COMMD7: variants seen among roughly 807,000 people sequenced by gnomAD.
COMMD7 encodes COMM domain containing 7.
COMMD7 carries 28 observed loss-of-function variants against 34.8 expected under a neutral mutation model. The ratio of observed to expected loss-of-function variants is 0.80; its 90% CI spans 0.60 to 1.10. COMMD7 has a LOEUF of 1.10. Ranked by LOEUF, COMMD7 falls within the 50% of genes least tolerant of loss-of-function variation. COMMD7 has a pLI of 0.00. For missense variants in COMMD7, 211 were observed against 241.6 expected, an observed-to-expected ratio of 0.87 and a Z score of 0.84; for synonymous variants, 80 against 86.4, an observed-to-expected ratio of 0.93 and a Z score of 0.41.
chr20:32,719,245 G>A (rs558028443), intron 3 of COMMD7, among the ~76,000 whole-genome samples: 2 of 152,208 alleles, frequency 1.3e-5, no homozygotes, highest in Non-Finnish European at 2.9e-5. Context: ...ATGGGAGAAT[G>A]GAGGTGGAGA....
intron 3 of COMMD7, among the ~76,000 whole-genome samples, chr20:32,726,494 G>A (rs1985522665): frequency 1.3e-5 from 2 of 152,118 alleles, no homozygotes; most frequent in South Asian, 4.1e-4. Flanking sequence ...CTAAGGTCAG[G>A]AGTTTGAGAC....
intron 1 of COMMD7, among the ~76,000 whole-genome samples, chr20:32,741,396 T>TTC (rs1491229701): frequency 6.8e-5 from 1 of 14,608 alleles, no homozygotes; most frequent in African/African-American, 2.5e-4. Flanking sequence ...TAGAAAGTTG[T>TTC]TTTTTTTTTT....
At chr20:32,708,792 C>T (rs983004305) in intron 3 of COMMD7, among the ~76,000 whole-genome samples, 8 of 151,960 alleles carry the variant, frequency 5.3e-5, no homozygotes, top group Non-Finnish European at 1.2e-4. Context: ...CCACCTCAGC[C>T]TCCCACATAG....
chr20:32,737,303 G>A (rs1986184085), intron 1 of COMMD7, among the ~76,000 whole-genome samples: 1 of 148,826 alleles, frequency 6.7e-6, no homozygotes, highest in African/African-American at 2.5e-5. Context: ...CTGGGAGACA[G>A]AGGTTGCAGT....
intron 3 of COMMD7, among the ~76,000 whole-genome samples, chr20:32,724,382 C>A (rs1322367127): frequency 1.3e-4 from 2 of 15,820 alleles, no homozygotes; most frequent in Non-Finnish European, 3.6e-4. Flanking sequence ...TCTGCCCGGC[C>A]GCCCCTACTG....
intron 1 of COMMD7, among the ~76,000 whole-genome samples, chr20:32,729,561 G>A (rs1260534875): frequency 6.6e-6 from 1 of 150,808 alleles, no homozygotes; most frequent in African/African-American, 2.4e-5. Flanking sequence ...TGGGAGGATT[G>A]CTTGAGGCTG....
intron 3 of COMMD7, among the ~76,000 whole-genome samples, chr20:32,722,714 A>G (rs1292283856): frequency 1.0e-4 from 15 of 146,238 alleles, no homozygotes; most frequent in African/African-American, 3.6e-4. Flanking sequence ...ACAGAGTGAG[A>G]CTCAGGAAAA....
chr20:32,721,266 T>C (rs1221649709), intron 3 of COMMD7, among the ~76,000 whole-genome samples: 1 of 151,696 alleles, frequency 6.6e-6, no homozygotes, highest in African/African-American at 2.4e-5. Flanking sequence ...GGGCCCAGGA[T>C]CGCTGGAGAC....
intron 1 of COMMD7, among the ~76,000 whole-genome samples, chr20:32,736,480 C>T (rs140762665): frequency 0.019 from 2,947 of 151,476 alleles, 84 homozygotes; most frequent in African/African-American, 0.066. Flanking sequence ...ACCATCCTGG[C>T]TAACACGGTG....
intron 3 of COMMD7, among the ~76,000 whole-genome samples, chr20:32,714,922 A>T (rs1346112962): frequency 6.6e-6 from 1 of 151,854 alleles, no homozygotes; most frequent in Non-Finnish European, 1.5e-5. Context: ...AGGCAGGAGA[A>T]TCGCTTGAAC....
rs1986492499 is a variant in COMMD7 at position 32,742,396 on chromosome 20, G to T, written c.84+912C>A. The T allele has an allele frequency of 2.0e-5, 3 of 151,952 alleles. No individual in the cohort carries two copies. In the South Asian group the frequency reaches 6.2e-4, roughly 32 times the overall value. 9.4% of individuals were successfully genotyped at this position (151,952 alleles called of 1,614,324 possible). ...GGGGTATGGAGATGAAAGAAGAGGG[G>T]CGCTACCTCCTGGGAAGTGACAACC... On this transcript the variant is annotated intron_variant, in intron 1 of 8. Transcript: ENST00000278980.
chr20:32,715,164 T>C (rs1267940157), intron 3 of COMMD7, among the ~76,000 whole-genome samples: 1 of 150,674 alleles, frequency 6.6e-6, no homozygotes, highest in Non-Finnish European at 1.5e-5. Context: ...CCAGACCTAG[T>C]CTCAAAAAAT....
chr20:32,743,341 G>A lies in COMMD7; in HGVS notation c.51C>T (p.Gly17=). 1.3e-6 allele frequency: 2 copies of A among 1,513,296 alleles called. No individual in the cohort carries two copies. Among genetic ancestry groups the A allele is most frequent in the East Asian group, 2.6e-5 (1 of 38,428 alleles). The allele number at this position is 1,513,296 out of a possible 1,614,324, so 93.7% of individuals were successfully genotyped here. A position where few individuals can be genotyped will look rare whatever the true frequency, so the allele number is the denominator to read the frequency against. Residue 17 remains glycine, a synonymous_variant, in exon 1 of 9, where the codon GGC becomes GGT. Coordinates refer to ENST00000278980, the MANE Select transcript of COMMD7 (RefSeq NM_053041.3). ...TEDPVPEAVG[G]DMQQLNQLGA... ...CCAGCTGGTTCAGCTGCTGCATGTCGCCGCCCACGGCCTCCGGCACCGGGT... is the reference window on the plus strand; with the variant it reads ...CCAGCTGGTTCAGCTGCTGCATGTCACCGCCCACGGCCTCCGGCACCGGGT...
At chr20:32,724,175 G>C (rs1421028846) in intron 3 of COMMD7, among the ~76,000 whole-genome samples, 138 of 13,016 alleles carry the variant, frequency 0.011, no homozygotes, top group East Asian at 0.018. Flanking sequence ...CCAGCCGCCC[G>C]GTCCGGGAGG....
chr20:32,728,581 TTC>T (rs1455094852), intron 1 of COMMD7, among the ~76,000 whole-genome samples: 1 of 152,142 alleles, frequency 6.6e-6, no homozygotes, highest in Non-Finnish European at 1.5e-5. Context: ...TTTTTTTTCT[TTC>T]CCTGAGACAG....
chr20:32,725,447 G>C (rs1053445554), intron 3 of COMMD7, among the ~76,000 whole-genome samples: 1 of 34,500 alleles, frequency 2.9e-5, no homozygotes, highest in Non-Finnish European at 6.4e-5. Context: ...TTTTTTTTTT[G>C]AGACGGAGTG....
intron 6 of COMMD7, 150 bp from the exon 7 acceptor site, chr20:32,704,639 C>A: frequency 1.1e-6 from 1 of 911,910 alleles, no homozygotes. Context: ...TTTGGAAAGT[C>A]AACTTATCCA....
Sources: gnomAD v4.1 joint callset for allele counts (sites outside exome capture counted in the v4.1 genomes callset) on GRCh38, gnomAD v4.1.1 for gene constraint, MANE v1.5 for transcripts, NCBI Gene and HGNC (gene_info 2026-07-23, HGNC 2026-07-21) for gene names.